AGBL4: variants seen among roughly 807,000 people sequenced by gnomAD.
AGBL4 encodes the protein AGBL carboxypeptidase 4.
In AGBL4, 58 loss-of-function variants were observed where a neutral mutation model predicts 66.4. That is an observed-to-expected ratio of 0.87 (90% confidence interval 0.71 to 1.09). The LOEUF (loss-of-function observed/expected upper bound fraction) is 1.09, where lower values mean the gene tolerates loss of function less well. AGBL4 is among the 50% of genes least tolerant of loss of function. The pLI, the probability that AGBL4 is intolerant of heterozygous loss-of-function variation, is 0.00. For missense variants in AGBL4, 579 were observed against 631.0 expected, an observed-to-expected ratio of 0.92 and a Z score of 0.88; for synonymous variants, 234 against 222.9, an observed-to-expected ratio of 1.05 and a Z score of -0.44.
At chr1:49,567,187 G>A (rs1383700051) in intron 3 of AGBL4, among the ~76,000 whole-genome samples, 1 of 152,212 alleles carries the variant, frequency 6.6e-6, no homozygotes, top group Non-Finnish European at 1.5e-5. Flanking sequence ...CGATTTTCCA[G>A]GTGCCGTCTG....
intron 3 of AGBL4, among the ~76,000 whole-genome samples, chr1:49,465,604 G>T (rs972513557): frequency 3.3e-5 from 5 of 151,754 alleles, no homozygotes; most frequent in African/African-American, 1.2e-4. Context: ...ATTATTCTAG[G>T]CTTTCAGGAG....
chr1:49,331,763 G>C (rs1645339237), intron 3 of AGBL4, among the ~76,000 whole-genome samples: 1 of 152,088 alleles, frequency 6.6e-6, no homozygotes, highest in Non-Finnish European at 1.5e-5. Flanking sequence ...TCTGGGTGTG[G>C]AAGGTAACAC....
chr1:49,378,874 C>T (rs967825477), intron 3 of AGBL4, among the ~76,000 whole-genome samples: 16 of 151,976 alleles, frequency 1.1e-4, no homozygotes, highest in Admixed American at 5.3e-4. Flanking sequence ...GGGAGTAGCC[C>T]GAAGTATGTG....
intron 5 of AGBL4, among the ~76,000 whole-genome samples, chr1:48,894,602 A>G (rs187640036): frequency 2.0e-5 from 3 of 152,272 alleles, no homozygotes; most frequent in African/African-American, 7.2e-5. Flanking sequence ...GTAGGTTAAT[A>G]TCTGATGATG....
At chr1:48,629,134 ATAGT>A (rs1323600868) in intron 9 of AGBL4, among the ~76,000 whole-genome samples, 1 of 152,188 alleles carries the variant, frequency 6.6e-6, no homozygotes, top group African/African-American at 2.4e-5. Context: ...TGACAAGTAC[ATAGT>A]TAGATGCTAG....
Position 48,546,260 on chromosome 1 carries a change from T to C in AGBL4, c.1268-6522A>G, listed in dbSNP as rs1037825980. 3.9e-5 allele frequency among the ~76,000 whole-genome samples: 6 copies of C among 152,240 alleles called. No individual in the cohort carries two copies. The East Asian group carries it at 9.6e-4, about 24-fold the overall frequency. ...AATTCAGAGTCTCGTGGCTTGAATG[T>C]AACAAAGGTAGCATACGAACTTCAG... is the stretch of plus-strand genomic sequence containing the variant. On this transcript the variant is annotated intron_variant, in intron 11 of 13. Transcript: ENST00000371839.
intron 3 of AGBL4, among the ~76,000 whole-genome samples, chr1:49,688,144 G>C (rs1646820689): frequency 6.6e-6 from 1 of 152,164 alleles, no homozygotes; most frequent in African/African-American, 2.4e-5. Flanking sequence ...TGTTGTGCTA[G>C]CAAATACTAG....
chr1:48,528,402 T>A (rs1358241843), downstream of AGBL4, among the ~76,000 whole-genome samples: 1 of 152,114 alleles, frequency 6.6e-6, no homozygotes, highest in Admixed American at 6.5e-5. Flanking sequence ...AAGATTGACA[T>A]GGGGTCAGCT....
intron 3 of AGBL4, among the ~76,000 whole-genome samples, chr1:49,510,011 T>C (rs1037630222): frequency 3.9e-5 from 6 of 152,000 alleles, no homozygotes; most frequent in Admixed American, 3.9e-4. Context: ...AATTGTACAT[T>C]GTCAGTGAAG....
chr1:48,978,169 A>G (rs867835115), intron 5 of AGBL4, among the ~76,000 whole-genome samples: 2 of 152,304 alleles, frequency 1.3e-5, no homozygotes, highest in African/African-American at 4.8e-5. Context: ...TTGGAAGGTC[A>G]ACTATGTATG....
At chr1:49,302,608 T>TTGTA (rs1553180280) in intron 3 of AGBL4, among the ~76,000 whole-genome samples, 1 of 110,126 alleles carries the variant, frequency 9.1e-6, no homozygotes, top group Non-Finnish European at 1.9e-5. Flanking sequence ...TTATTTTATT[T>TTGTA]TTTTATTTTA....
At chr1:49,155,063 GGAT>G (rs1439230368) in intron 4 of AGBL4, among the ~76,000 whole-genome samples, 1 of 152,080 alleles carries the variant, frequency 6.6e-6, no homozygotes, top group Non-Finnish European at 1.5e-5. Flanking sequence ...ATTTTTCTTA[GGAT>G]GACAGATGCT....
intron 1 of AGBL4, among the ~76,000 whole-genome samples, chr1:49,869,632 T>G (rs1243089380): frequency 6.6e-6 from 1 of 152,054 alleles, no homozygotes; most frequent in East Asian, 1.9e-4. Flanking sequence ...TCAAGATAAA[T>G]AGCTAATGCA....
chr1:49,868,017 A>C (rs187932546), intron 1 of AGBL4, among the ~76,000 whole-genome samples: 55 of 152,284 alleles, frequency 3.6e-4, no homozygotes, highest in African/African-American at 1.2e-3. Context: ...GTGAACTCCC[A>C]TTCACAATTG....
At chr1:48,934,472 C>G (rs992297606) in intron 5 of AGBL4, among the ~76,000 whole-genome samples, 1 of 152,142 alleles carries the variant, frequency 6.6e-6, no homozygotes, top group Non-Finnish European at 1.5e-5. Flanking sequence ...AGAAAGGATA[C>G]TTGGTGGATA....
chr1:49,139,378 C>G (rs986922279), intron 4 of AGBL4, among the ~76,000 whole-genome samples: 1 of 152,174 alleles, frequency 6.6e-6, no homozygotes, highest in Non-Finnish European at 1.5e-5. Context: ...TTTATTCATT[C>G]ATCCATCTAC....
chr1:49,596,052 A>G (rs1281996626), intron 3 of AGBL4, among the ~76,000 whole-genome samples: 1 of 152,122 alleles, frequency 6.6e-6, no homozygotes, highest in Non-Finnish European at 1.5e-5. Flanking sequence ...TAAACACAGA[A>G]AGAATGAGAA....
intron 2 of AGBL4, among the ~76,000 whole-genome samples, chr1:49,811,630 AT>A (rs1645105074): frequency 4.6e-5 from 7 of 152,018 alleles, no homozygotes; most frequent in Admixed American, 4.6e-4. Flanking sequence ...ATTATTAAAA[AT>A]TTTTTTAGAG....
At chr1:49,809,033 A>C (rs1031823512) in intron 2 of AGBL4, among the ~76,000 whole-genome samples, 4 of 152,198 alleles carry the variant, frequency 2.6e-5, no homozygotes, top group African/African-American at 9.7e-5. Context: ...GCAATTGAAG[A>C]AAATCAATCA....
Sources: gnomAD v4.1 joint callset for allele counts (sites outside exome capture counted in the v4.1 genomes callset) on GRCh38, gnomAD v4.1.1 for gene constraint, MANE v1.5 for transcripts, NCBI Gene and HGNC (gene_info 2026-07-23, HGNC 2026-07-21) for gene names.